The following MAGI2 variants were observed in gnomAD, a reference collection of about 807,000 sequenced individuals.
The protein encoded by MAGI2 is membrane associated guanylate kinase, WW and PDZ domain containing 2.
In MAGI2, 35 loss-of-function variants were observed where a neutral mutation model predicts 133.3. That is an observed-to-expected ratio of 0.26 (90% confidence interval 0.20 to 0.35). The LOEUF (loss-of-function observed/expected upper bound fraction) is 0.35, where lower values mean the gene tolerates loss of function less well. Among genes scored for constraint, MAGI2 ranks in the 10% least tolerant of loss-of-function variants. MAGI2 has a pLI of 1.00. For synonymous variants in MAGI2, 729 were observed against 710.6 expected, an observed-to-expected ratio of 1.03 and a Z score of -0.41; for missense variants, 1,636 against 1,863.4, an observed-to-expected ratio of 0.88 and a Z score of 2.25.
intron 2 of MAGI2, among the ~76,000 whole-genome samples, chr7:78,744,238 T>G (rs546867929): frequency 1.3e-3 from 192 of 152,272 alleles, no homozygotes; most frequent in Non-Finnish European, 2.5e-3. Context: ...GCTAATTTTA[T>G]AAAGAAAAAA....
intron 21 of MAGI2, among the ~76,000 whole-genome samples, chr7:78,048,891 A>G (rs10953420): frequency 0.75 from 114,001 of 151,772 alleles, 43,741 homozygotes; most frequent in Non-Finnish European, 0.83. Context: ...GGTGGATCAC[A>G]AGGACAGGAG....
chr7:78,243,234 C>A (rs1584531841), intron 10 of MAGI2, among the ~76,000 whole-genome samples: 2 of 73,660 alleles, frequency 2.7e-5, no homozygotes, highest in Admixed American at 1.3e-4. Flanking sequence ...TACACACACA[C>A]ACACACACAC....
chr7:79,431,396 T>C (rs547411045), intron 1 of MAGI2, among the ~76,000 whole-genome samples: 5 of 152,138 alleles, frequency 3.3e-5, no homozygotes, highest in Non-Finnish European at 7.4e-5. Context: ...AGTGATAATA[T>C]AATAAACTTT....
intron 7 of MAGI2, among the ~76,000 whole-genome samples, chr7:78,364,114 C>A (rs79371874): frequency 6.6e-6 from 1 of 152,174 alleles, no homozygotes; most frequent in Non-Finnish European, 1.5e-5. Flanking sequence ...CTGTGCAACT[C>A]TGCAGCCCAT....
Position 79,184,485 on chromosome 7 carries a change from A to G in MAGI2, c.302-177279T>C, listed in dbSNP as rs544839994. On this transcript the variant is annotated intron_variant, in intron 1 of 21. Transcript: ENST00000354212. ...TCAAAATATTAAAATATTAAAGTTA[A>G]AATAAAAAACAAACTAAAATATTGG... Among the ~76,000 whole-genome samples the G allele has an allele frequency of 1.2e-3, 184 of 151,728 alleles. 2 individuals carry two copies. The highest frequency in any genetic ancestry group is 4.3e-3 in the African/African-American group (178 of 41,430).
intron 2 of MAGI2, among the ~76,000 whole-genome samples, chr7:78,718,885 G>A (rs1244550135): frequency 1.3e-5 from 2 of 152,162 alleles, no homozygotes; most frequent in African/African-American, 2.4e-5. Context: ...ACGGTTGCCA[G>A]TGACACTGTA....
At chr7:78,182,690 C>T (rs1827298019) in intron 13 of MAGI2, among the ~76,000 whole-genome samples, 2 of 152,164 alleles carry the variant, frequency 1.3e-5, no homozygotes, top group African/African-American at 4.8e-5. Context: ...CTTTTTCTTT[C>T]CTCATACTGA....
chr7:78,180,641 C>G (rs10243742), intron 13 of MAGI2, among the ~76,000 whole-genome samples: 1 of 152,160 alleles, frequency 6.6e-6, no homozygotes, highest in Non-Finnish European at 1.5e-5. Flanking sequence ...TCCTGTTGCT[C>G]TGACCCACCC....
intron 1 of MAGI2, among the ~76,000 whole-genome samples, chr7:79,164,817 A>C (rs2129548052): frequency 6.6e-6 from 1 of 152,102 alleles, no homozygotes; most frequent in South Asian, 2.1e-4. Context: ...CTGCACCCCG[A>C]CCATCTTGGG....
intron 2 of MAGI2, among the ~76,000 whole-genome samples, chr7:78,681,587 C>T (rs1257700447): frequency 7.2e-5 from 11 of 152,144 alleles, no homozygotes; most frequent in African/African-American, 2.7e-4. Flanking sequence ...AAGGCCCTTA[C>T]TCTTTTCAGA....
At chr7:78,162,930 C>T (rs949101859) in intron 15 of MAGI2, among the ~76,000 whole-genome samples, 6 of 152,112 alleles carry the variant, frequency 3.9e-5, no homozygotes, top group Non-Finnish European at 4.4e-5. Flanking sequence ...AATGGTCTTT[C>T]CTACTGTAGG....
chr7:78,714,000 T>G, intron 2 of MAGI2, among the ~76,000 whole-genome samples: 1 of 76,490 alleles, frequency 1.3e-5, no homozygotes, highest in Admixed American at 1.3e-4. Context: ...TGCCACATTC[T>G]TTTTTTTTTC....
chr7:79,073,219 A>G (rs570172134), intron 1 of MAGI2, among the ~76,000 whole-genome samples: 1 of 152,204 alleles, frequency 6.6e-6, no homozygotes, highest in South Asian at 2.1e-4. Context: ...GTATACCAAT[A>G]AATTCATAAA....
At chr7:78,581,939 C>G (rs6945821) in intron 3 of MAGI2, among the ~76,000 whole-genome samples, 1 of 151,718 alleles carries the variant, frequency 6.6e-6, no homozygotes, top group Non-Finnish European at 1.5e-5. Flanking sequence ...TAAGGACATT[C>G]CTTTCCTCCG....
chr7:78,284,277 A>AAAT (rs1349102117), intron 9 of MAGI2, among the ~76,000 whole-genome samples: 1 of 152,032 alleles, frequency 6.6e-6, no homozygotes, highest in Non-Finnish European at 1.5e-5. Flanking sequence ...TAAATATGAA[A>AAAT]AATAGCCAAT....
rs566085686 is a variant in MAGI2, at chr7:78,496,184, T to C, written c.965+5393A>G. The stretch of plus-strand genomic sequence containing the variant: ...CAAAAAGAAACATAAACTAATTGTG[T>C]GTTTGTTTAGAATTTAAAAGCAAAT... On this transcript the variant is annotated intron_variant, in intron 5 of 21. Transcript: ENST00000354212. Among the ~76,000 whole-genome samples the C allele has an allele frequency of 1.3e-4, 20 of 152,306 alleles. No individual in the cohort carries two copies. The South Asian group carries it at 2.7e-3, about 20-fold the overall frequency.
rs71095390 is a variant in MAGI2, at chr7:79,280,926, G to GAAAA, written c.301+172090_301+172093dup. Among the ~76,000 whole-genome samples, 38 of 35,790 alleles carry GAAAA rather than the reference G, an allele frequency of 1.1e-3. 2 individuals are homozygous for GAAAA. The highest frequency in any genetic ancestry group is 2.3e-3 in the South Asian group (1 of 442). 23.5% of individuals were successfully genotyped at this position (35,790 alleles called of 152,430 possible). On this transcript the variant is annotated intron_variant, in intron 1 of 21. Transcript: ENST00000354212. ...GGTGACAGAGCAAGACTCTGTCTCT[G>GAAAA]AAAAAAAAAAAAAAAAAAAAAAAAA...
chr7:78,026,072 C>T (rs1325640358), intron 21 of MAGI2: 2 of 152,608 alleles, frequency 1.3e-5, no homozygotes, highest in East Asian at 1.9e-4. Flanking sequence ...TCTTACCCTT[C>T]CTATTGTCAG....
intron 1 of MAGI2, among the ~76,000 whole-genome samples, chr7:79,229,628 T>A (rs772295420): frequency 6.6e-6 from 1 of 152,158 alleles, no homozygotes; most frequent in Non-Finnish European, 1.5e-5. Context: ...GAATCTGTGT[T>A]TAGCATAATT....
Sources: gnomAD v4.1 joint callset for allele counts (sites outside exome capture counted in the v4.1 genomes callset) on GRCh38, gnomAD v4.1.1 for gene constraint, MANE v1.5 for transcripts, NCBI Gene and HGNC (gene_info 2026-07-23, HGNC 2026-07-21) for gene names.